Variants in ENOX1 observed in about 807,000 individuals in gnomAD.
ENOX1 encodes candidate growth-related and time keeping constitutive hydroquinone (NADH) oxidase.
In ENOX1, 42 loss-of-function variants were observed where a neutral mutation model predicts 82.5. That is an observed-to-expected ratio of 0.51 (90% CI 0.40 to 0.66). ENOX1 has a LOEUF of 0.66. Among genes scored for constraint, ENOX1 ranks in the 30% least tolerant of loss-of-function variants. The probability of loss-of-function intolerance (pLI) is 0.00; values close to 1 mark genes in which losing one functional copy is unlikely to be tolerated. For missense variants in ENOX1, 608 were observed against 811.6 expected (o/e 0.75, Z 3.05); for synonymous variants, 271 against 282.2 (o/e 0.96, Z 0.40).
Position 43,213,887 on chromosome 13 carries a change from A to C in ENOX1, c.*103T>G. ...TAAAGGCAGGCTTCGATGGCTCCAC[A>C]AAGGTTGCGTGCTGGACCAACCCCA... is the stretch of plus-strand genomic sequence containing the variant. On this transcript the variant is annotated 3_prime_UTR_variant, in exon 17 of 17. Coordinates refer to ENST00000690772, the MANE Select transcript of ENOX1 (RefSeq NM_001347969.2). 1 of 1,348,794 alleles carries C rather than the reference A, an allele frequency of 7.4e-7. No homozygotes were observed. Among genetic ancestry groups the C allele is most frequent in the Admixed American group, 2.3e-5 (1 of 43,046 alleles). 83.6% of individuals were successfully genotyped at this position (1,348,794 alleles called of 1,614,324 possible).
intron 5 of ENOX1, among the ~76,000 whole-genome samples, chr13:43,404,905 T>G (rs1392599618): frequency 1.3e-5 from 2 of 152,178 alleles, no homozygotes; most frequent in Non-Finnish European, 2.9e-5. Flanking sequence ...TGAGAAATCT[T>G]TCAACAAGAT....
chr13:43,676,873 T>C (rs1262106142), intron 1 of ENOX1, among the ~76,000 whole-genome samples: 3 of 152,170 alleles, frequency 2.0e-5, no homozygotes, highest in Admixed American at 6.5e-5. Flanking sequence ...CTTATGAAGA[T>C]GGAGTCATTT....
At chr13:43,426,567 A>G (rs545138896) in intron 3 of ENOX1, among the ~76,000 whole-genome samples, 31 of 152,284 alleles carry the variant, frequency 2.0e-4, no homozygotes, top group Non-Finnish European at 4.0e-4. Context: ...GCAATTCTCA[A>G]TTTTATGGCT....
chr13:43,616,176 ATC>A (rs1443447310), intron 2 of ENOX1, among the ~76,000 whole-genome samples: 593 of 6,108 alleles, frequency 0.097, 84 homozygotes, highest in African/African-American at 0.14. Context: ...CTATCTATCT[ATC>A]TATCTATCTA....
intron 8 of ENOX1, among the ~76,000 whole-genome samples, chr13:43,350,106 A>G (rs77216407): frequency 1.3e-5 from 2 of 152,228 alleles, no homozygotes; most frequent in Non-Finnish European, 2.9e-5. Flanking sequence ...GCAAACTGAT[A>G]ACAATACAAA....
intron 2 of ENOX1, among the ~76,000 whole-genome samples, chr13:43,585,651 C>T (rs984871827): frequency 3.9e-5 from 6 of 152,194 alleles, no homozygotes; most frequent in African/African-American, 1.4e-4. Flanking sequence ...GATCTCAGCT[C>T]ACTGCAACCT....
At chr13:43,736,350 T>C (rs2089630457) in intron 1 of ENOX1, among the ~76,000 whole-genome samples, 2 of 152,308 alleles carry the variant, frequency 1.3e-5, no homozygotes, top group South Asian at 2.1e-4. Flanking sequence ...TCAATGAGAA[T>C]TTTTTTCTAA....
intron 14 of ENOX1, among the ~76,000 whole-genome samples, chr13:43,247,994 T>G (rs1246088955): frequency 7.1e-6 from 1 of 141,594 alleles, no homozygotes; most frequent in East Asian, 2.1e-4. Flanking sequence ...CACGCCATTC[T>G]CCTGCCTCAG....
intron 3 of ENOX1, among the ~76,000 whole-genome samples, chr13:43,466,876 T>C (rs543736636): frequency 5.1e-4 from 78 of 152,334 alleles, no homozygotes; most frequent in African/African-American, 1.8e-3. Flanking sequence ...ACTTTTCATA[T>C]AAATGGAATC....
At chr13:43,315,012 G>C (rs7331160) in intron 11 of ENOX1, among the ~76,000 whole-genome samples, 5 of 152,048 alleles carry the variant, frequency 3.3e-5, no homozygotes, top group Non-Finnish European at 2.9e-5. Flanking sequence ...ACAAAGGCTT[G>C]CTTGTTACAC....
Position 43,298,353 on chromosome 13 carries a change from A to G in ENOX1, c.1439T>C (p.Met480Thr), listed in dbSNP as rs1373393607. 3.1e-6 allele frequency: 5 copies of G among 1,604,412 alleles called. No homozygotes were observed. Among genetic ancestry groups the G allele is most frequent in the Non-Finnish European group, 4.2e-6 (5 of 1,177,190 alleles). Residue 480 changes from methionine to threonine, a missense_variant, in exon 12 of 17, where the codon ATG becomes ACG. Physicochemically the swap from Met to Thr is moderately conservative, Grantham distance 81. Coordinates refer to ENST00000690772, the MANE Select transcript of ENOX1 (RefSeq NM_001347969.2). Reference sequence around the variant, plus strand: ...AAAATCTGGGCCAGGTACCTGCTGCATGCCTTGCATGGTTTGCTGCAGAAA... The same window carrying G: ...AAAATCTGGGCCAGGTACCTGCTGCGTGCCTTGCATGGTTTGCTGCAGAAA... ...LQFLQQTMQG[M>T]QQQLLTIQEE... is the part of the protein sequence containing the mutation.
At chr13:43,437,372 C>T (rs2056095454) in intron 3 of ENOX1, among the ~76,000 whole-genome samples, 1 of 152,204 alleles carries the variant, frequency 6.6e-6, no homozygotes, top group South Asian at 2.1e-4. Context: ...CCCAATCCTG[C>T]AACCAACATA....
chr13:43,713,379 T>A (rs2153814652), intron 1 of ENOX1, among the ~76,000 whole-genome samples: 1 of 152,336 alleles, frequency 6.6e-6, no homozygotes. Context: ...ATTCTCTTTT[T>A]TGGTTGTGTC....
chr13:43,269,586 T>C lies in ENOX1; in HGVS notation c.1447-9A>G. On this transcript the variant is annotated splice_polypyrimidine_tract_variant and intron_variant, in intron 12 of 16. Transcript: ENST00000690772. Reference sequence around the variant, plus strand: ...TGGATGGTTAGCAATTGCTGTGAAATTAAAGGATATTTAGCATAAGTAGGA... The same window carrying C: ...TGGATGGTTAGCAATTGCTGTGAAACTAAAGGATATTTAGCATAAGTAGGA... 1 of 1,604,090 alleles carries C rather than the reference T, an allele frequency of 6.2e-7. No homozygotes were observed. The highest frequency in any genetic ancestry group is 8.5e-7 in the Non-Finnish European group (1 of 1,170,998).
At chr13:43,417,270 C>T (rs1239270638) in intron 3 of ENOX1, among the ~76,000 whole-genome samples, 1 of 56,340 alleles carries the variant, frequency 1.8e-5, no homozygotes, top group Non-Finnish European at 6.3e-5. Context: ...AGGGAGAGGG[C>T]CAATCTAATG....
intron 3 of ENOX1, among the ~76,000 whole-genome samples, chr13:43,444,234 C>T (rs1354628522): frequency 6.6e-6 from 1 of 152,144 alleles, no homozygotes; most frequent in African/African-American, 2.4e-5. Flanking sequence ...ACACAGTCTG[C>T]CAGGCCTATC....
At chr13:43,519,691 A>G (rs1259212436) in intron 2 of ENOX1, among the ~76,000 whole-genome samples, 1 of 152,124 alleles carries the variant, frequency 6.6e-6, no homozygotes, top group African/African-American at 2.4e-5. Flanking sequence ...TGAGGTAGAC[A>G]AAGTAGCTAG....
At chr13:43,512,624 T>G (rs1263679782) in intron 2 of ENOX1, among the ~76,000 whole-genome samples, 5 of 151,820 alleles carry the variant, frequency 3.3e-5, no homozygotes, top group Non-Finnish European at 5.9e-5. Context: ...GTGGGTTTTT[T>G]TTTTTTTTTT....
chr13:43,687,852 ATC>A (rs997631942), intron 1 of ENOX1, among the ~76,000 whole-genome samples: 1 of 152,174 alleles, frequency 6.6e-6, no homozygotes, highest in Admixed American at 6.5e-5. Context: ...ACCAAAGCCA[ATC>A]TGGAGATCAG....
Sources: gnomAD v4.1 joint callset for allele counts (sites outside exome capture counted in the v4.1 genomes callset) on GRCh38, gnomAD v4.1.1 for gene constraint, MANE v1.5 for transcripts, NCBI Gene and HGNC (gene_info 2026-07-23, HGNC 2026-07-21) for gene names.